UBAC2: variants seen among roughly 807,000 people sequenced by gnomAD.
UBAC2 encodes the protein ubiquitin-associated domain-containing protein 2.
A neutral mutation model predicts 44.0 loss-of-function variants in UBAC2; 26 were observed. The ratio of observed to expected loss-of-function variants is 0.59; its 90% confidence interval spans 0.43 to 0.82. The LOEUF (loss-of-function observed/expected upper bound fraction) is 0.82, where lower values mean the gene tolerates loss of function less well. UBAC2 is among the 40% of genes least tolerant of loss of function. The probability of loss-of-function intolerance (pLI) is 0.00; values close to 1 mark genes in which losing one functional copy is unlikely to be tolerated. For synonymous variants in UBAC2, 155 were observed against 154.3 expected, an observed-to-expected ratio of 1.00 and a Z score of -0.04; for missense variants, 329 against 419.4, an observed-to-expected ratio of 0.78 and a Z score of 1.88.
chr13:99,278,192 A>G (rs2043908257), intron 4 of UBAC2, among the ~76,000 whole-genome samples: 1 of 152,210 alleles, frequency 6.6e-6, no homozygotes, highest in Non-Finnish European at 1.5e-5. Context: ...AAAAGAATCC[A>G]TTATAGGTAT....
intron 6 of UBAC2, among the ~76,000 whole-genome samples, chr13:99,330,472 A>AAAAAAAAAAAAAAAAAAAAAG (rs1206715388): frequency 6.7e-6 from 1 of 149,300 alleles, no homozygotes; most frequent in Non-Finnish European, 1.5e-5. Flanking sequence ...AAAAAAAAAA[A>AAAAAAAAAAAAAAAAAAAAAG]AAAAGAAATA....
rs539927818 is a variant in UBAC2, at chr13:99,346,186, C to G, written c.807+5621C>G. 3.9e-5 allele frequency among the ~76,000 whole-genome samples: 6 copies of G among 152,324 alleles called. No homozygotes were observed. In the East Asian group the frequency reaches 9.6e-4, roughly 24 times the overall value. ...ACATCCATGTCCTTCCTGCCTTCCC[C>G]ACCAGTTCAGCCCCAAAGAGTCTCC... On this transcript the variant is annotated intron_variant, in intron 7 of 8. Coordinates refer to ENST00000403766, the MANE Select transcript of UBAC2 (RefSeq NM_001144072.2).
chr13:99,305,555 A>G (rs943496394), intron 4 of UBAC2, among the ~76,000 whole-genome samples: 7 of 152,340 alleles, frequency 4.6e-5, no homozygotes, highest in Admixed American at 6.5e-5. Context: ...ACCAACCTAC[A>G]ATAGATATCT....
At chr13:99,365,951 A>G (rs1042547699) in intron 7 of UBAC2, among the ~76,000 whole-genome samples, 42 of 152,082 alleles carry the variant, frequency 2.8e-4, no homozygotes, top group African/African-American at 8.9e-4. Flanking sequence ...TATTCTATTG[A>G]TTTTATCCCT....
At chr13:99,247,296 G>A (rs1301641547) in intron 4 of UBAC2, among the ~76,000 whole-genome samples, 1 of 151,440 alleles carries the variant, frequency 6.6e-6, no homozygotes, top group African/African-American at 2.4e-5. Context: ...CTCACTGCAA[G>A]CTCCGCCTCC....
chr13:99,281,630 A>C (rs2043955375), intron 4 of UBAC2, among the ~76,000 whole-genome samples: 1 of 152,256 alleles, frequency 6.6e-6, no homozygotes, highest in Admixed American at 6.5e-5. Context: ...AATTGATAAA[A>C]GAAAAATCAT....
intron 1 of UBAC2, among the ~76,000 whole-genome samples, chr13:99,225,261 A>G (rs1198374627): frequency 6.6e-6 from 1 of 152,236 alleles, no homozygotes; most frequent in Admixed American, 6.5e-5. Flanking sequence ...CTCATCTTGC[A>G]GAAATGAAAC....
At chr13:99,202,092 AAAG>A (rs2042810918) in intron 1 of UBAC2, among the ~76,000 whole-genome samples, 1 of 151,692 alleles carries the variant, frequency 6.6e-6, no homozygotes. Context: ...AAAAAAAAAA[AAAG>A]ATCTGTTGGG....
At chr13:99,368,000 TA>T in intron 8 of UBAC2, 94 bp downstream of exon 8, 6 of 1,469,078 alleles carry the variant, frequency 4.1e-6, no homozygotes, top group Non-Finnish European at 4.6e-6. Context: ...ATCAAGCGTG[TA>T]AATACAAAGA....
chr13:99,335,664 C>T (rs937617393), intron 6 of UBAC2, among the ~76,000 whole-genome samples: 2 of 152,204 alleles, frequency 1.3e-5, no homozygotes, highest in East Asian at 3.8e-4. Flanking sequence ...TGGAGTTCAT[C>T]TGGATGGCTG....
chr13:99,296,085 A>G (rs1479521816), intron 4 of UBAC2: 1 of 1,613,592 alleles, frequency 6.2e-7, no homozygotes, highest in Non-Finnish European at 8.5e-7. Context: ...TAGAGGTCAC[A>G]GTCATTTCCC....
At chr13:99,282,552 A>C (rs1339783644) in intron 4 of UBAC2, among the ~76,000 whole-genome samples, 1 of 152,166 alleles carries the variant, frequency 6.6e-6, no homozygotes, top group Non-Finnish European at 1.5e-5. Context: ...GTCTAATAGG[A>C]AATATGTTTT....
chr13:99,248,077 C>T (rs768639160), intron 4 of UBAC2, among the ~76,000 whole-genome samples: 1 of 152,136 alleles, frequency 6.6e-6, no homozygotes, highest in Non-Finnish European at 1.5e-5. Context: ...TTAGTTACTG[C>T]GTGCAGCTCT....
In UBAC2 at chr13:99,215,563, C is replaced by G. The variant is rs936355203; in HGVS notation, c.31+14624C>G. On this transcript the variant is annotated intron_variant, in intron 1 of 8. Coordinates refer to ENST00000403766, the MANE Select transcript of UBAC2 (RefSeq NM_001144072.2). The stretch of plus-strand genomic sequence containing the variant: ...GATGCATTTCCTGCCAGTTCAAGTC[C>G]CTCTGCGGTGAGGTACTCCAGGATG... 6.3e-6 allele frequency: 9 copies of G among 1,428,404 alleles called. No homozygotes were observed. The African/African-American group carries it at 1.1e-4, about 18-fold the overall frequency. The allele number at this position is 1,428,404 out of a possible 1,614,324, so 88.5% of individuals were successfully genotyped here.
At chr13:99,255,744 T>G (rs750736365) in intron 4 of UBAC2, 4 of 1,614,060 alleles carry the variant, frequency 2.5e-6, no homozygotes, top group Non-Finnish European at 2.5e-6. Flanking sequence ...AAACCCATAA[T>G]GCAGTGATGT....
chr13:99,322,628 A>G (rs1470867838), intron 6 of UBAC2, among the ~76,000 whole-genome samples: 1 of 152,168 alleles, frequency 6.6e-6, no homozygotes, highest in Non-Finnish European at 1.5e-5. Flanking sequence ...CTTGTCATGT[A>G]CAGTATATCA....
intron 7 of UBAC2, among the ~76,000 whole-genome samples, chr13:99,359,564 T>C (rs72649600): frequency 0.1 from 15,205 of 152,212 alleles, 833 homozygotes; most frequent in East Asian, 0.17. Flanking sequence ...TCCCAGCCAC[T>C]GTGCCATGGT....
intron 4 of UBAC2, among the ~76,000 whole-genome samples, chr13:99,269,014 G>C (rs751191912): frequency 6.6e-6 from 1 of 152,178 alleles, no homozygotes; most frequent in Non-Finnish European, 1.5e-5. Flanking sequence ...TGAAGACCAC[G>C]GGGACATGCT....
At chr13:99,233,388 G>A (rs1384448593) in intron 1 of UBAC2, among the ~76,000 whole-genome samples, 1 of 152,146 alleles carries the variant, frequency 6.6e-6, no homozygotes, top group Non-Finnish European at 1.5e-5. Context: ...TGGGATTATA[G>A]GCATGAGCCA....
Sources: allele counts gnomAD v4.1 joint callset (sites outside exome capture counted in the v4.1 genomes callset), GRCh38; gene constraint gnomAD v4.1.1; transcripts MANE v1.5; gene names NCBI Gene and HGNC (gene_info 2026-07-23, HGNC 2026-07-21).